Variants in ST6GAL1 observed in about 807,000 individuals in gnomAD.
ST6GAL1 encodes the protein ST6 beta-galactoside alpha-2,6-sialyltransferase 1.
Under a neutral mutation model 38.0 loss-of-function variants are expected in ST6GAL1, and 20 were observed. That is an observed-to-expected ratio of 0.53 (90% confidence interval 0.37 to 0.77). The LOEUF (loss-of-function observed/expected upper bound fraction) is 0.77. Among genes scored for constraint, ST6GAL1 ranks in the 30% least tolerant of loss-of-function variants. ST6GAL1 has a pLI of 0.00. For missense variants in ST6GAL1, 432 were observed against 496.4 expected, an observed-to-expected ratio of 0.87 and a Z score of 1.23; for synonymous variants, 196 against 188.2, an observed-to-expected ratio of 1.04 and a Z score of -0.34.
intron 1 of ST6GAL1, among the ~76,000 whole-genome samples, chr3:186,938,178 C>T (rs957988558): frequency 1.2e-4 from 18 of 152,172 alleles, no homozygotes; most frequent in Non-Finnish European, 2.9e-5. Flanking sequence ...CTGGGTTATA[C>T]TTTAAAGGGT....
intron 1 of ST6GAL1, among the ~76,000 whole-genome samples, chr3:186,955,050 G>A (rs528412003): frequency 1.3e-5 from 2 of 152,298 alleles, no homozygotes; most frequent in East Asian, 3.9e-4. Flanking sequence ...GCTGTGTATG[G>A]ATAGCCAATT....
Position 187,037,908 on chromosome 3 carries a change from C to A in ST6GAL1, c.-182-834C>A, listed in dbSNP as rs530238579. Among the ~76,000 whole-genome samples, 18 of 151,738 alleles carry A rather than the reference C, an allele frequency of 1.2e-4. 2 individuals are homozygous for A. In the South Asian group the frequency reaches 3.1e-3, roughly 26 times the overall value. ...TTTTTTCTAGTACTTTTTCCTAGTACTTTTTCACGTTTTTTTAAATGTATT... is the reference window on the plus strand; with the variant it reads ...TTTTTTCTAGTACTTTTTCCTAGTAATTTTTCACGTTTTTTTAAATGTATT... On this transcript the variant is annotated intron_variant, in intron 2 of 7. Coordinates refer to ENST00000169298, the MANE Select transcript of ST6GAL1 (RefSeq NM_173216.2).
chr3:187,064,319 AT>A (rs1403716825), intron 5 of ST6GAL1, among the ~76,000 whole-genome samples: 1 of 152,204 alleles, frequency 6.6e-6, no homozygotes, highest in Admixed American at 6.5e-5. Context: ...TTTCTGTGAG[AT>A]AAGGCAGGGG....
At chr3:186,996,173 T>C (rs2108549271) in intron 2 of ST6GAL1, among the ~76,000 whole-genome samples, 1 of 152,362 alleles carries the variant, frequency 6.6e-6, no homozygotes, top group African/African-American at 2.4e-5. Flanking sequence ...TTTGAAGGAC[T>C]AGTCAGCTGT....
intron 2 of ST6GAL1, among the ~76,000 whole-genome samples, chr3:186,988,438 C>T (rs1716031970): frequency 1.3e-5 from 2 of 151,782 alleles, no homozygotes; most frequent in South Asian, 4.2e-4. Flanking sequence ...TCGAGATTCC[C>T]TATAAATTTA....
intron 1 of ST6GAL1, among the ~76,000 whole-genome samples, chr3:186,957,886 T>C (rs573986674): frequency 6.6e-6 from 1 of 152,272 alleles, no homozygotes; most frequent in East Asian, 1.9e-4. Context: ...GTCTCAATGA[T>C]TTTATCTCCC....
intron 5 of ST6GAL1, chr3:187,064,759 T>C (rs909605603): frequency 2.7e-6 from 1 of 376,010 alleles, no homozygotes; most frequent in Non-Finnish European, 5.3e-6. Context: ...TGCCCTTTCT[T>C]ACCTTGATAT....
At chr3:186,957,314 A>C (rs939719884) in intron 1 of ST6GAL1, among the ~76,000 whole-genome samples, 4 of 152,176 alleles carry the variant, frequency 2.6e-5, no homozygotes, top group Admixed American at 2.6e-4. Context: ...ATGGTGGTGC[A>C]CGCCTATAGT....
At chr3:186,965,295 A>C (rs904374671) in intron 2 of ST6GAL1, among the ~76,000 whole-genome samples, 1 of 152,248 alleles carries the variant, frequency 6.6e-6, no homozygotes, top group Non-Finnish European at 1.5e-5. Context: ...TTTTTGACTC[A>C]TAATCTCTAA....
rs548623266 is a variant in ST6GAL1, at chr3:187,068,874, T to G, written c.706-3975T>G. 4.3e-4 allele frequency among the ~76,000 whole-genome samples: 66 copies of G among 152,212 alleles called. No homozygotes were observed. In the South Asian group the frequency reaches 0.013, roughly 29 times the overall value. Reference sequence around the variant, plus strand: ...AACAGCTGTTTTCAGGGGAATAGGGTGGATGAGGATAGGGAGTACTGGCCC... The same window carrying G: ...AACAGCTGTTTTCAGGGGAATAGGGGGGATGAGGATAGGGAGTACTGGCCC... On this transcript the variant is annotated intron_variant, in intron 5 of 7. Coordinates refer to ENST00000169298, the MANE Select transcript of ST6GAL1 (RefSeq NM_173216.2).
intron 1 of ST6GAL1, among the ~76,000 whole-genome samples, chr3:186,961,304 G>T (rs1714928784): frequency 1.3e-5 from 2 of 152,078 alleles, no homozygotes; most frequent in African/African-American, 4.8e-5. Context: ...CATGGCATTT[G>T]CTTGTCATGG....
rs368238635 is a variant in ST6GAL1 at position 187,003,654 on chromosome 3, A to T, written c.-182-35088A>T. ...TACTTTGCTACTGTAAACAGTATATAAGATATATTTTCCAATGATTTGTGA... is the reference window on the plus strand; with the variant it reads ...TACTTTGCTACTGTAAACAGTATATTAGATATATTTTCCAATGATTTGTGA... On this transcript the variant is annotated intron_variant, in intron 2 of 7. Transcript: ENST00000169298. 5.9e-5 allele frequency among the ~76,000 whole-genome samples: 9 copies of T among 152,308 alleles called. 1 individual carries two copies. In the South Asian group the frequency reaches 1.9e-3, roughly 32 times the overall value.
chr3:186,949,120 G>A (rs1699937154), intron 1 of ST6GAL1, among the ~76,000 whole-genome samples: 1 of 152,184 alleles, frequency 6.6e-6, no homozygotes, highest in Non-Finnish European at 1.5e-5. Flanking sequence ...GGAAATAAAA[G>A]CCAAGCAGGC....
At chr3:186,997,342 A>T in intron 2 of ST6GAL1, among the ~76,000 whole-genome samples, 1 of 152,148 alleles carries the variant, frequency 6.6e-6, no homozygotes, top group East Asian at 1.9e-4. Flanking sequence ...TCATCTAGTT[A>T]GTAATGGTGG....
At chr3:186,964,442 G>C (rs371978311) in intron 2 of ST6GAL1, 2 of 152,276 alleles carry the variant, frequency 1.3e-5, no homozygotes, top group East Asian at 3.9e-4. Context: ...GGTAATAGGT[G>C]CTCATAGAAT....
chr3:186,968,716 C>A (rs77316775), intron 2 of ST6GAL1, among the ~76,000 whole-genome samples: 11 of 152,210 alleles, frequency 7.2e-5, no homozygotes, highest in Non-Finnish European at 1.5e-5. Context: ...TGTGGATATA[C>A]CACAATTTAT....
chr3:186,943,835 C>G (rs1029111637), intron 1 of ST6GAL1, among the ~76,000 whole-genome samples: 1 of 152,202 alleles, frequency 6.6e-6, no homozygotes, highest in Admixed American at 6.5e-5. Context: ...TGTTGAGTTG[C>G]GTGGTCTTGA....
chr3:186,957,848 G>A (rs1243784301), intron 1 of ST6GAL1, among the ~76,000 whole-genome samples: 1 of 152,104 alleles, frequency 6.6e-6, no homozygotes, highest in Non-Finnish European at 1.5e-5. Flanking sequence ...ATATGAGGGT[G>A]GAATAATGGC....
chr3:186,940,783 GTTTTT>G (rs35452443), intron 1 of ST6GAL1, among the ~76,000 whole-genome samples: 1 of 129,302 alleles, frequency 7.7e-6, no homozygotes, highest in African/African-American at 2.9e-5. Flanking sequence ...CCATGTCAGT[GTTTTT>G]TTTTTTTTTT....
Sources: gnomAD v4.1 joint callset for allele counts (sites outside exome capture counted in the v4.1 genomes callset) on GRCh38, gnomAD v4.1.1 for gene constraint, MANE v1.5 for transcripts, NCBI Gene and HGNC (gene_info 2026-07-23, HGNC 2026-07-21) for gene names.